RANBP2: variants seen among roughly 807,000 people sequenced by gnomAD.
RANBP2 encodes the protein RAN binding protein 2.
A neutral mutation model predicts 303.6 loss-of-function variants in RANBP2; 57 were observed. That is an observed-to-expected ratio of 0.19 (90% CI 0.15 to 0.23). The LOEUF (loss-of-function observed/expected upper bound fraction) is 0.23, where lower values mean the gene tolerates loss of function less well. RANBP2 is among the 10% of genes least tolerant of loss of function. RANBP2 has a pLI of 1.00. For missense variants in RANBP2, 3,138 were observed against 3,780.8 expected (o/e 0.83, Z 4.46); for synonymous variants, 1,167 against 1,301.5 (o/e 0.90, Z 2.23).
chr2:109,428,470 C>T, the RANBP2 span, among the ~76,000 whole-genome samples: 4 of 152,236 alleles, frequency 2.6e-5, no homozygotes, highest in Admixed American at 6.5e-5. Flanking sequence ...TCGGCCCAGC[C>T]GCCAGCCTAT....
chr2:109,449,437 C>T, the RANBP2 span: 8 of 1,613,918 alleles, frequency 5.0e-6, no homozygotes, highest in African/African-American at 8.0e-5. Flanking sequence ...GTTCTGTCCA[C>T]ATCCAGCCCC....
At chr2:108,736,034 TA>T in intron 5 of RANBP2, 69 bp from the exon 6 acceptor site, 1 of 1,611,106 alleles carries the variant, frequency 6.2e-7, no homozygotes, top group Non-Finnish European at 8.5e-7. Flanking sequence ...AAGGAATTTG[TA>T]GGCTTAAAAT....
At chr2:109,520,598 CAAAAAAAAAAAAAA>C in the RANBP2 span, among the ~76,000 whole-genome samples, 1 of 50,100 alleles carries the variant, frequency 2.0e-5, no homozygotes, top group Non-Finnish European at 4.0e-5. Flanking sequence ...GACTCCATCT[CAAAAAAAAAAAAAA>C]AAAAAAAAAA....
chr2:109,123,104 G>A, the RANBP2 span, among the ~76,000 whole-genome samples: 4 of 152,248 alleles, frequency 2.6e-5, no homozygotes, highest in South Asian at 6.2e-4. Context: ...ATGGAAGACT[G>A]CAGGGAGGAG....
the RANBP2 span, among the ~76,000 whole-genome samples, chr2:109,039,229 T>C: frequency 6.6e-6 from 1 of 152,232 alleles, no homozygotes; most frequent in African/African-American, 2.4e-5. Flanking sequence ...TGCTGGTCTT[T>C]CTTGTGGATT....
the RANBP2 span, among the ~76,000 whole-genome samples, chr2:109,407,829 C>A: frequency 2.0e-5 from 3 of 152,328 alleles, no homozygotes; most frequent in South Asian, 6.2e-4. Context: ...CCATGACTTA[C>A]CAATCCTGGC....
At chr2:109,566,344 C>T in the RANBP2 span, among the ~76,000 whole-genome samples, 1 of 152,052 alleles carries the variant, frequency 6.6e-6, no homozygotes, top group South Asian at 2.1e-4. Flanking sequence ...TTGTCTCGAA[C>T]TCCTGACCTC....
the RANBP2 span, among the ~76,000 whole-genome samples, chr2:109,318,935 G>A: frequency 5.3e-5 from 8 of 152,242 alleles, no homozygotes; most frequent in African/African-American, 1.7e-4. Flanking sequence ...TAATGAAACT[G>A]TACTTCATAA....
chr2:109,267,564 C>A, the RANBP2 span, among the ~76,000 whole-genome samples: 3 of 152,188 alleles, frequency 2.0e-5, no homozygotes, highest in Non-Finnish European at 2.9e-5. Context: ...ATCAAGTTTG[C>A]TTCCTAATGA....
chr2:109,269,548 A>C, the RANBP2 span, among the ~76,000 whole-genome samples: 3 of 152,322 alleles, frequency 2.0e-5, no homozygotes, highest in African/African-American at 7.2e-5. Flanking sequence ...TGGGAGGCCA[A>C]GTCTGGTGGA....
chr2:108,762,711 T>A (rs1676811483), intron 19 of RANBP2, among the ~76,000 whole-genome samples: 1 of 148,190 alleles, frequency 6.7e-6, no homozygotes, highest in African/African-American at 2.5e-5. Context: ...ATTCATAGGG[T>A]TTTTGAGGAT....
At chr2:108,899,210 A>T in the RANBP2 span, among the ~76,000 whole-genome samples, 3 of 152,258 alleles carry the variant, frequency 2.0e-5, no homozygotes, top group African/African-American at 7.2e-5. Context: ...GAAAAGAATT[A>T]GAATGACAGT....
the RANBP2 span, among the ~76,000 whole-genome samples, chr2:108,995,341 C>T: frequency 6.6e-6 from 1 of 152,222 alleles, no homozygotes; most frequent in African/African-American, 2.4e-5. Context: ...AAAATCACAC[C>T]TATTACAACA....
the RANBP2 span, among the ~76,000 whole-genome samples, chr2:109,697,214 G>T: frequency 1.3e-5 from 2 of 152,222 alleles, no homozygotes; most frequent in Admixed American, 6.5e-5. Context: ...CTTTGGCTGG[G>T]CGCAGTAGCT....
At chr2:109,638,367 C>T in the RANBP2 span, among the ~76,000 whole-genome samples, 1 of 152,298 alleles carries the variant, frequency 6.6e-6, no homozygotes, top group Admixed American at 6.5e-5. Context: ...GGCATAACTA[C>T]TCCCCGAAAC....
the RANBP2 span, among the ~76,000 whole-genome samples, chr2:109,291,015 AG>A: frequency 6.6e-6 from 1 of 152,258 alleles, no homozygotes; most frequent in African/African-American, 2.4e-5. Context: ...TGCCTGGAGC[AG>A]CACTGAGTCA....
At chr2:108,910,821 C>A in the RANBP2 span, 1 of 1,613,940 alleles carries the variant, frequency 6.2e-7, no homozygotes, top group Admixed American at 1.7e-5. Flanking sequence ...TGGGCCTCCA[C>A]GCTCTTCCCC....
the RANBP2 span, among the ~76,000 whole-genome samples, chr2:109,448,238 A>G: frequency 1.3e-5 from 2 of 152,208 alleles, no homozygotes; most frequent in Admixed American, 1.3e-4. Context: ...CTTTATGTTT[A>G]TGAGCATTTT....
At chr2:109,144,429 C>T in the RANBP2 span, among the ~76,000 whole-genome samples, 1 of 152,156 alleles carries the variant, frequency 6.6e-6, no homozygotes, top group Non-Finnish European at 1.5e-5. Context: ...TTCACCATGA[C>T]GTCTCTAGGT....
Sources: allele counts gnomAD v4.1 joint callset (sites outside exome capture counted in the v4.1 genomes callset), GRCh38; gene constraint gnomAD v4.1.1; transcripts MANE v1.5; gene names NCBI Gene and HGNC (gene_info 2026-07-23, HGNC 2026-07-21).